LHCGR: variants seen among roughly 807,000 people sequenced by gnomAD.
The protein encoded by LHCGR is luteinizing hormone/choriogonadotropin receptor, also known as lutropin-choriogonadotropic hormone receptor.
LHCGR carries 55 observed loss-of-function variants against 60.7 expected under a neutral mutation model. That is an observed-to-expected ratio of 0.91 (90% CI 0.73 to 1.13). The LOEUF (loss-of-function observed/expected upper bound fraction) is 1.13. Among genes scored for constraint, LHCGR ranks in the 50% most tolerant of loss-of-function variants. The pLI is 0.00. For missense variants in LHCGR, 862 were observed against 836.0 expected (o/e 1.03, Z -0.38); for synonymous variants, 337 against 316.5 (o/e 1.06, Z -0.69).
chr2:48,724,468 C>T (rs556852706), intron 4 of LHCGR, among the ~76,000 whole-genome samples: 1 of 152,172 alleles, frequency 6.6e-6, no homozygotes, highest in South Asian at 2.1e-4. Context: ...TGAAACAAAG[C>T]CAGGTTTCTC....
chr2:48,754,320 G>A (rs1480084014), intron 1 of LHCGR, among the ~76,000 whole-genome samples: 1 of 152,128 alleles, frequency 6.6e-6, no homozygotes. Context: ...AGACTGTTGG[G>A]GGCTCAAAGG....
At chr2:48,699,635 T>A (rs1022359477) in intron 8 of LHCGR, among the ~76,000 whole-genome samples, 3 of 152,252 alleles carry the variant, frequency 2.0e-5, no homozygotes, top group Admixed American at 2.0e-4. Flanking sequence ...TTAGCCATCA[T>A]CTACCTAGGA....
chr2:48,718,878 A>G (rs995806151), intron 6 of LHCGR, among the ~76,000 whole-genome samples: 8 of 152,162 alleles, frequency 5.3e-5, no homozygotes, highest in African/African-American at 1.4e-4. Context: ...ATAGCAATGG[A>G]TCCCTCTCCC....
intron 8 of LHCGR, among the ~76,000 whole-genome samples, chr2:48,705,097 T>C (rs2104408963): frequency 6.6e-6 from 1 of 152,340 alleles, no homozygotes; most frequent in African/African-American, 2.4e-5. Context: ...ATGTCTTTGT[T>C]CTCATTGGTT....
At chr2:48,723,313 C>T (rs1668581561) in intron 6 of LHCGR, 143 bp downstream of exon 6, 1 of 721,122 alleles carries the variant, frequency 1.4e-6, no homozygotes, top group Non-Finnish European at 2.5e-6. Context: ...ACACAACTCC[C>T]TTCACCCTTA....
rs765242645 is a variant in LHCGR, at chr2:48,688,826, C to T, written c.971G>A (p.Ser324Asn). The change falls in exon 11 of 11, where the codon AGT becomes AAT. Residue 324 changes from serine (S) to asparagine (N), a missense_variant. Ser to Asn is a conservative substitution (Grantham distance 46). Coordinates refer to ENST00000294954, the MANE Select transcript of LHCGR (RefSeq NM_000233.4). This position sits in a 1 kb window ranked among gnomAD's most constrained non-coding sequence, Gnocchi z 5.2. The stretch of plus-strand genomic sequence containing the variant: ...TTCATAGTCCCAGCCACTCAGTTCA[C>T]TCTCAGCAAGCATGGAAGAATAACT... ...KTLYSSMLAE[S>N]ELSGWDYEYG... 6.2e-7 allele frequency: 1 copy of T among 1,614,106 alleles called. No homozygotes were observed. The highest frequency in any genetic ancestry group is 1.1e-5 in the South Asian group (1 of 91,082).
intron 1 of LHCGR, among the ~76,000 whole-genome samples, chr2:48,731,781 TGAG>T (rs1669004245): frequency 6.6e-6 from 1 of 152,176 alleles, no homozygotes; most frequent in East Asian, 1.9e-4. Flanking sequence ...AAAACTATGT[TGAG>T]TAGAGTGGAG....
chr2:48,710,308 C>T (rs1001864625), intron 7 of LHCGR, among the ~76,000 whole-genome samples: 2 of 152,178 alleles, frequency 1.3e-5, no homozygotes, highest in Non-Finnish European at 2.9e-5. Flanking sequence ...TCTTCCTAAA[C>T]CTCCATGGCT....
intron 1 of LHCGR, among the ~76,000 whole-genome samples, chr2:48,742,444 A>C (rs1301802283): frequency 6.6e-6 from 1 of 151,134 alleles, no homozygotes; most frequent in Non-Finnish European, 1.5e-5. Context: ...ACTTGGAAGT[A>C]AAGCTCTCCT....
intron 10 of LHCGR, among the ~76,000 whole-genome samples, chr2:48,692,147 G>A (rs767149288): frequency 3.9e-5 from 6 of 152,100 alleles, no homozygotes; most frequent in Non-Finnish European, 8.8e-5. Context: ...TAGAGACACC[G>A]CCCAAGAATT....
intron 1 of LHCGR, among the ~76,000 whole-genome samples, chr2:48,750,488 A>G (rs149631552): frequency 9.6e-4 from 146 of 152,300 alleles, no homozygotes; most frequent in African/African-American, 3.4e-3. Context: ...GAAGCCTACA[A>G]ATTCTGTTAT....
At chr2:48,737,052 G>A (rs190858419) in intron 1 of LHCGR, among the ~76,000 whole-genome samples, 1 of 152,328 alleles carries the variant, frequency 6.6e-6, no homozygotes, top group East Asian at 1.9e-4. Context: ...AGGGAGAGAA[G>A]AGCCAGGGAA....
chr2:48,742,557 T>G (rs1179634169), intron 1 of LHCGR, among the ~76,000 whole-genome samples: 1 of 151,620 alleles, frequency 6.6e-6, no homozygotes, highest in Non-Finnish European at 1.5e-5. Context: ...ACCGCTCAAC[T>G]ACATGGAAAC....
rs187523691 is a variant in LHCGR at position 48,707,036 on chromosome 2, C to A, written c.680+1912G>T. ...CTCCCCATCTTTGTGGTTTTATCTACCTTTGGTCATTGGTGTTGGTGAGCT... is the reference window on the plus strand; with the variant it reads ...CTCCCCATCTTTGTGGTTTTATCTAACTTTGGTCATTGGTGTTGGTGAGCT... On this transcript the variant is annotated intron_variant, in intron 8 of 10. Coordinates refer to ENST00000294954, the MANE Select transcript of LHCGR (RefSeq NM_000233.4). Among the ~76,000 whole-genome samples, 315 of 152,286 alleles carry A rather than the reference C, an allele frequency of 2.1e-3. 2 individuals are homozygous for A. The highest frequency in any genetic ancestry group is 7.2e-3 in the African/African-American group (298 of 41,556).
chr2:48,714,562 G>A (rs1397759824), intron 6 of LHCGR, among the ~76,000 whole-genome samples: 1 of 150,362 alleles, frequency 6.7e-6, no homozygotes, highest in Non-Finnish European at 1.5e-5. Context: ...AGATTTCAAT[G>A]TCTGTAAACA....
intron 3 of LHCGR, among the ~76,000 whole-genome samples, chr2:48,727,848 C>T (rs1352372481): frequency 1.3e-5 from 2 of 152,204 alleles, no homozygotes; most frequent in African/African-American, 4.8e-5. Flanking sequence ...GGTAGTTGCT[C>T]ACGTACTTAC....
At chr2:48,709,879 G>A (rs1270082994) in intron 7 of LHCGR, among the ~76,000 whole-genome samples, 1 of 152,126 alleles carries the variant, frequency 6.6e-6, no homozygotes, top group African/African-American at 2.4e-5. Context: ...AGGAATCCCT[G>A]GGCTCAAGTC....
At chr2:48,703,940 G>A (rs1330646945) in intron 8 of LHCGR, among the ~76,000 whole-genome samples, 1 of 152,144 alleles carries the variant, frequency 6.6e-6, no homozygotes, top group Non-Finnish European at 1.5e-5. Context: ...TAGGAGTGGT[G>A]AGAGAGGGCA....
intron 1 of LHCGR, among the ~76,000 whole-genome samples, chr2:48,750,355 C>G (rs1211007429): frequency 6.6e-6 from 1 of 152,034 alleles, no homozygotes; most frequent in Non-Finnish European, 1.5e-5. Context: ...TTGATTCTTC[C>G]CTACTGAGTC....
Sources: gnomAD v4.1 joint callset for allele counts (sites outside exome capture counted in the v4.1 genomes callset) on GRCh38, gnomAD v4.1.1 for gene constraint, Gnocchi (gnomAD v3.1) non-coding constraint, MANE v1.5 for transcripts, NCBI Gene and HGNC (gene_info 2026-07-23, HGNC 2026-07-21) for gene names.